The following DACH2 variants were observed in gnomAD, a reference collection of about 807,000 sequenced individuals.
DACH2 encodes dachshund homolog 2.
A neutral mutation model predicts 35.8 loss-of-function variants in DACH2; 17 were observed. The ratio of observed to expected loss-of-function variants is 0.48; its 90% CI spans 0.33 to 0.71. DACH2 has a LOEUF of 0.71. Ranked by LOEUF, DACH2 falls within the 30% of genes least tolerant of loss-of-function variation. DACH2 has a pLI of 0.02. For missense variants in DACH2, 469 were observed against 472.7 expected, an observed-to-expected ratio of 0.99 and a Z score of 0.07; for synonymous variants, 195 against 177.3, an observed-to-expected ratio of 1.10 and a Z score of -0.79.
intron 2 of DACH2, among the ~76,000 whole-genome samples, chrX:86,449,897 TTATGA>T (rs1342477345): frequency 8.9e-6 from 1 of 111,861 alleles, no homozygotes; most frequent in African/African-American, 3.2e-5. Context: ...ACTTACATAC[TTATGA>T]TATGTGATTC....
intron 7 of DACH2, among the ~76,000 whole-genome samples, chrX:86,767,944 T>G (rs150928486): frequency 0.073 from 8,074 of 110,156 alleles, 304 homozygotes; most frequent in Middle Eastern, 0.14. Flanking sequence ...TTGTTTGTTT[T>G]TTGTTTGTTT....
At position 86,633,675 on chromosome X, in the gene DACH2, A is replaced by G. The variant is rs2040229040; in HGVS notation, c.641-17361A>G. Among the ~76,000 whole-genome samples, 4 of 111,541 alleles carry G rather than the reference A, an allele frequency of 3.6e-5. No homozygotes were observed. In the East Asian group the frequency reaches 1.1e-3, roughly 31 times the overall value. ...ACTAAAAAAGGAAAACTACAGGCCA[A>G]TATCCCCAATGAACATAGATACAAA... On this transcript the variant is annotated intron_variant, in intron 3 of 11. Transcript: ENST00000373125.
At chrX:86,811,758 T>G (rs1345998685) in intron 7 of DACH2, among the ~76,000 whole-genome samples, 1 of 111,934 alleles carries the variant, frequency 8.9e-6, no homozygotes, top group East Asian at 2.8e-4. Context: ...AGAAGAAAAT[T>G]TATCTAATTC....
At chrX:86,811,617 T>G (rs1396236491) in intron 7 of DACH2, among the ~76,000 whole-genome samples, 2 of 111,788 alleles carry the variant, frequency 1.8e-5, no homozygotes, top group African/African-American at 3.2e-5. Context: ...GTGAGCAGCA[T>G]AACTGTTTGA....
At chrX:86,200,230 C>A (rs1457198877) in intron 1 of DACH2, among the ~76,000 whole-genome samples, 1 of 110,922 alleles carries the variant, frequency 9.0e-6, no homozygotes, top group Admixed American at 9.7e-5. Context: ...GCTGGAATAA[C>A]TGGCTAGAAG....
chrX:86,668,124 CTT>C (rs72433684), intron 4 of DACH2, among the ~76,000 whole-genome samples: 4,426 of 111,982 alleles, frequency 0.04, 221 homozygotes, highest in African/African-American at 0.14. Flanking sequence ...AAAAAAATAA[CTT>C]TGTCTTATTG....
chrX:86,293,248 C>A (rs746976287), intron 1 of DACH2, among the ~76,000 whole-genome samples: 2 of 52,153 alleles, frequency 3.8e-5, no homozygotes, highest in South Asian at 2.8e-3. Context: ...AGGATTGCAA[C>A]CCTGCCTTTT....
chrX:86,343,084 C>T (rs767928049), intron 1 of DACH2, among the ~76,000 whole-genome samples: 1 of 111,863 alleles, frequency 8.9e-6, no homozygotes, highest in South Asian at 3.8e-4. Flanking sequence ...ACTGGGCAAC[C>T]CATAAATTTG....
At chrX:86,287,351 T>A (rs2034173619) in intron 1 of DACH2, among the ~76,000 whole-genome samples, 1 of 111,477 alleles carries the variant, frequency 9.0e-6, no homozygotes, top group African/African-American at 3.3e-5. Context: ...GATTATGAAA[T>A]GCTTTGAGTT....
At chrX:86,576,291 G>A (rs2039434537) in intron 3 of DACH2, among the ~76,000 whole-genome samples, 3 of 111,752 alleles carry the variant, frequency 2.7e-5, no homozygotes, top group Non-Finnish European at 5.6e-5. Context: ...AAGGAGATAT[G>A]TGAATGCTAG....
intron 1 of DACH2, among the ~76,000 whole-genome samples, chrX:86,198,186 G>A (rs1190060586): frequency 1.8e-5 from 2 of 111,915 alleles, no homozygotes; most frequent in African/African-American, 6.5e-5. Context: ...ATGAAATTAA[G>A]GCAGAAACCA....
rs183664499 is a variant in DACH2, at chrX:86,527,918, T to C, written c.640+13527T>C. On this transcript the variant is annotated intron_variant, in intron 3 of 11. Transcript: ENST00000373125. Reference sequence around the variant, plus strand: ...ATTCAAACATTTTGCCAACATACTGTCTCCTGTCTAGAAGCGGATTTTTGC... The same window carrying C: ...ATTCAAACATTTTGCCAACATACTGCCTCCTGTCTAGAAGCGGATTTTTGC... Among the ~76,000 whole-genome samples, 250 of 112,146 alleles carry C rather than the reference T, an allele frequency of 2.2e-3. 1 individual carries two copies. Among genetic ancestry groups the C allele is most frequent in the Middle Eastern group, 0.019 (4 of 215 alleles).
chrX:86,304,868 G>T, intron 1 of DACH2: 1 of 133,624 alleles, frequency 7.5e-6, no homozygotes, highest in South Asian at 2.2e-4. Flanking sequence ...ATACCTGGAT[G>T]ACTACATGAA....
At chrX:86,215,154 A>T (rs1398217419) in intron 1 of DACH2, among the ~76,000 whole-genome samples, 1 of 110,968 alleles carries the variant, frequency 9.0e-6, no homozygotes, top group African/African-American at 3.3e-5. Flanking sequence ...TTTTTTGGAA[A>T]CAAGTTACCC....
chrX:86,786,407 A>T (rs979219720), intron 7 of DACH2, among the ~76,000 whole-genome samples: 16 of 111,826 alleles, frequency 1.4e-4, no homozygotes, highest in African/African-American at 5.2e-4. Context: ...CAACCTGCAG[A>T]TACCAAGCCA....
intron 2 of DACH2, among the ~76,000 whole-genome samples, chrX:86,478,667 G>A (rs2037888000): frequency 9.2e-6 from 1 of 108,296 alleles, no homozygotes; most frequent in Non-Finnish European, 1.9e-5. Flanking sequence ...CCCCTCACAG[G>A]GCATGTGACA....
intron 7 of DACH2, among the ~76,000 whole-genome samples, chrX:86,742,337 T>C (rs2041665287): frequency 9.0e-6 from 1 of 111,157 alleles, no homozygotes; most frequent in East Asian, 2.8e-4. Context: ...TTATAAAGTA[T>C]CATAATAATT....
chrX:86,672,959 G>A (rs1408286293), intron 4 of DACH2, among the ~76,000 whole-genome samples: 15 of 112,024 alleles, frequency 1.3e-4, no homozygotes, highest in African/African-American at 3.9e-4. Flanking sequence ...TACCCGCAGA[G>A]CCACAGAAGC....
intron 2 of DACH2, among the ~76,000 whole-genome samples, chrX:86,495,042 T>G (rs2038147435): frequency 9.0e-6 from 1 of 110,678 alleles, no homozygotes; most frequent in Admixed American, 9.7e-5. Flanking sequence ...CATTATTAAT[T>G]AATTTATTTA....
Sources: allele counts gnomAD v4.1 joint callset (sites outside exome capture counted in the v4.1 genomes callset), GRCh38; gene constraint gnomAD v4.1.1; transcripts MANE v1.5; gene names NCBI Gene and HGNC (gene_info 2026-07-23, HGNC 2026-07-21).